Variants in TSHZ2 observed in about 807,000 individuals in gnomAD.
TSHZ2 encodes the protein teashirt zinc finger homeobox 2.
Under a neutral mutation model 74.4 loss-of-function variants are expected in TSHZ2, and 21 were observed. The ratio of observed to expected loss-of-function variants is 0.28; its 90% CI spans 0.20 to 0.41. The LOEUF (loss-of-function observed/expected upper bound fraction) is 0.41. Ranked by LOEUF, TSHZ2 falls within the 10% of genes least tolerant of loss-of-function variation. TSHZ2 has a pLI of 1.00. For missense variants in TSHZ2, 1,244 were observed against 1,293.5 expected (o/e 0.96, Z 0.59); for synonymous variants, 540 against 515.3 (o/e 1.05, Z -0.65).
chr20:53,484,402 T>TCC (rs1568938103), intron 2 of TSHZ2, among the ~76,000 whole-genome samples: 1 of 142,624 alleles, frequency 7.0e-6, no homozygotes, highest in Non-Finnish European at 1.5e-5. Context: ...TTTTTTTTTT[T>TCC]TAAGACAGAG....
At chr20:53,189,449 A>G (rs1314005290) in intron 1 of TSHZ2, among the ~76,000 whole-genome samples, 2 of 152,202 alleles carry the variant, frequency 1.3e-5, no homozygotes, top group Non-Finnish European at 2.9e-5. Flanking sequence ...TTTCAGAGAA[A>G]ATACTCTGTA....
At chr20:53,218,483 G>A (rs6022337) in intron 1 of TSHZ2, among the ~76,000 whole-genome samples, 216 of 152,286 alleles carry the variant, frequency 1.4e-3, no homozygotes, top group African/African-American at 5.0e-3. Flanking sequence ...AGGTGATTTC[G>A]CATAAAAATT....
At chr20:53,398,790 G>C (rs1435615865) in intron 2 of TSHZ2, 1 of 152,138 alleles carries the variant, frequency 6.6e-6, no homozygotes, top group Non-Finnish European at 1.5e-5. Context: ...GGATAATTTA[G>C]ATCCTGCTCA....
intron 2 of TSHZ2, among the ~76,000 whole-genome samples, chr20:53,271,478 G>T (rs1990837244): frequency 6.6e-5 from 10 of 152,200 alleles, no homozygotes; most frequent in Admixed American, 5.9e-4. Flanking sequence ...TAGAATTGAG[G>T]CTGGGTGAAC....
At chr20:53,101,789 G>A (rs73140249) in intron 1 of TSHZ2, among the ~76,000 whole-genome samples, 2,011 of 152,232 alleles carry the variant, frequency 0.013, 18 homozygotes, top group Non-Finnish European at 0.019. Context: ...TTTTCCTGTA[G>A]AGGTCGTATT....
At chr20:53,237,489 CTCTT>C (rs1384383894) in intron 1 of TSHZ2, among the ~76,000 whole-genome samples, 1 of 138,220 alleles carries the variant, frequency 7.2e-6, no homozygotes, top group Admixed American at 6.9e-5. Flanking sequence ...CTCTGTCTCT[CTCTT>C]TCTCTGTGTG....
At chr20:53,352,170 A>C (rs1031828632) in intron 2 of TSHZ2, among the ~76,000 whole-genome samples, 1 of 151,360 alleles carries the variant, frequency 6.6e-6, no homozygotes, top group Non-Finnish European at 1.5e-5. Flanking sequence ...CACCATGTGC[A>C]AAGTTTGGTT....
chr20:53,464,994 T>C (rs1249508886), intron 2 of TSHZ2, among the ~76,000 whole-genome samples: 1 of 152,180 alleles, frequency 6.6e-6, no homozygotes, highest in Non-Finnish European at 1.5e-5. Flanking sequence ...TTTAAAAGCA[T>C]CTTTTTTTCT....
intron 1 of TSHZ2, among the ~76,000 whole-genome samples, chr20:52,996,083 GAAT>G (rs1982176006): frequency 6.6e-6 from 1 of 152,074 alleles, no homozygotes; most frequent in African/African-American, 2.4e-5. Context: ...AAGACTACTG[GAAT>G]AGCACATAGA....
chr20:53,409,586 T>G (rs1171896702), intron 2 of TSHZ2, among the ~76,000 whole-genome samples: 1 of 152,222 alleles, frequency 6.6e-6, no homozygotes, highest in African/African-American at 2.4e-5. Context: ...GTCCTTGTTT[T>G]CAGGATGTTG....
At chr20:53,246,517 G>T (rs1413156024) in intron 1 of TSHZ2, among the ~76,000 whole-genome samples, 5 of 152,126 alleles carry the variant, frequency 3.3e-5, no homozygotes, top group Non-Finnish European at 7.4e-5. Flanking sequence ...CATCAGTAAT[G>T]TGTGACCTTT....
rs552180333 is a variant in TSHZ2 at position 53,138,772 on chromosome 20, T to C, written c.41-114727T>C. 3.9e-5 allele frequency among the ~76,000 whole-genome samples: 6 copies of C among 152,368 alleles called. No homozygotes were observed. In the South Asian group the frequency reaches 1.2e-3, roughly 32 times the overall value. ...TCTGCTGGTAACATTCAACACCTGA[T>C]GTTCTGGCTGTTTCAGTAGGTGTTT... On this transcript the variant is annotated intron_variant, in intron 1 of 2. Coordinates refer to ENST00000371497, the MANE Select transcript of TSHZ2 (RefSeq NM_173485.6).
intron 2 of TSHZ2, among the ~76,000 whole-genome samples, chr20:53,466,458 C>T (rs1344696850): frequency 6.6e-6 from 1 of 152,104 alleles, no homozygotes; most frequent in Non-Finnish European, 1.5e-5. Context: ...CTCTGCACTC[C>T]ACTTAGAGAA....
At chr20:53,286,820 G>T (rs963439783) in intron 2 of TSHZ2, among the ~76,000 whole-genome samples, 10 of 151,770 alleles carry the variant, frequency 6.6e-5, no homozygotes, top group African/African-American at 2.4e-4. Context: ...GTTCAAGGCT[G>T]CAGTGAGCTA....
At chr20:53,323,230 C>T (rs1979343721) in intron 2 of TSHZ2, among the ~76,000 whole-genome samples, 2 of 152,198 alleles carry the variant, frequency 1.3e-5, no homozygotes, top group African/African-American at 4.8e-5. Flanking sequence ...ATCTGAGCTG[C>T]TAAGCCAGTG....
intron 1 of TSHZ2, among the ~76,000 whole-genome samples, chr20:52,989,077 A>T (rs750558781): frequency 2.6e-5 from 4 of 151,882 alleles, no homozygotes; most frequent in Non-Finnish European, 4.4e-5. Flanking sequence ...AAATAATAGG[A>T]TAAGAAAGGT....
chr20:52,985,070 G>A (rs1981704458), intron 1 of TSHZ2, among the ~76,000 whole-genome samples: 1 of 152,276 alleles, frequency 6.6e-6, no homozygotes, highest in South Asian at 2.1e-4. Flanking sequence ...CAGGGAAAGA[G>A]GCCACACTTT....
intron 1 of TSHZ2, among the ~76,000 whole-genome samples, chr20:53,151,254 C>T (rs1987670644): frequency 6.6e-6 from 1 of 152,228 alleles, no homozygotes; most frequent in African/African-American, 2.4e-5. Flanking sequence ...ATACTGGTGC[C>T]TATTCGCTGA....
intron 2 of TSHZ2, among the ~76,000 whole-genome samples, chr20:53,397,046 A>G (rs1428876543): frequency 3.3e-5 from 5 of 152,222 alleles, no homozygotes; most frequent in Non-Finnish European, 7.3e-5. Context: ...AGGCAATACC[A>G]TTTAGGACAT....
Sources: allele counts gnomAD v4.1 joint callset (sites outside exome capture counted in the v4.1 genomes callset), GRCh38; gene constraint gnomAD v4.1.1; transcripts MANE v1.5; gene names NCBI Gene and HGNC (gene_info 2026-07-23, HGNC 2026-07-21).